The following FRZB variants were observed in gnomAD, a reference collection of about 807,000 sequenced individuals.
The protein encoded by FRZB is frizzled related protein, also known as secreted frizzled-related protein 3.
Under a neutral mutation model 32.5 loss-of-function variants are expected in FRZB, and 34 were observed. That is an observed-to-expected ratio of 1.05 (90% CI 0.80 to 1.39). The LOEUF is 1.39. FRZB is among the 40% of genes most tolerant of loss of function. The probability of loss-of-function intolerance (pLI) is 0.00; values close to 1 mark genes in which losing one functional copy is unlikely to be tolerated. For synonymous variants in FRZB, 170 were observed against 159.2 expected, an observed-to-expected ratio of 1.07 and a Z score of -0.51; for missense variants, 423 against 424.8, an observed-to-expected ratio of 1.00 and a Z score of 0.04.
At position 182,866,329 on chromosome 2, in the gene FRZB, A is replaced by C. The variant is rs753500741; in HGVS notation, c.224T>G (p.Leu75Arg). Reference sequence around the variant, plus strand: ...ATCGGGGCTGCAGTGGGTGCCCAGCAGACCTTCGAACTGCTCGATGGCCAG... The same window carrying C: ...ATCGGGGCTGCAGTGGGTGCCCAGCCGACCTTCGAACTGCTCGATGGCCAG... ...AILAIEQFEGLLGTHCSPDLL... is the reference protein window; with the variant it reads ...AILAIEQFEGRLGTHCSPDLL... The change falls in exon 1 of 6, where the codon CTG becomes CGG. Residue 75 changes from leucine (L) to arginine (R), a missense_variant. Physicochemically the swap from Leu to Arg is moderately radical, Grantham distance 102. Coordinates refer to ENST00000295113, the MANE Select transcript of FRZB (RefSeq NM_001463.4). The surrounding 1 kb of genome is among the most constrained non-coding windows in gnomAD (Gnocchi z 4.5). 1 of 1,614,232 alleles carries C rather than the reference A, an allele frequency of 6.2e-7. No individual in the cohort carries two copies. The highest frequency in any genetic ancestry group is 1.1e-5 in the South Asian group (1 of 91,088).
At chr2:182,852,070 TC>T (rs1195570844) in intron 2 of FRZB, among the ~76,000 whole-genome samples, 1 of 152,218 alleles carries the variant, frequency 6.6e-6, no homozygotes, top group Non-Finnish European at 1.5e-5. Flanking sequence ...TATTTGTCTA[TC>T]CTTTTTTTTC....
chr2:182,861,009 G>A (rs1049128092), intron 1 of FRZB, among the ~76,000 whole-genome samples: 6 of 152,106 alleles, frequency 3.9e-5, no homozygotes, highest in African/African-American at 1.2e-4. Flanking sequence ...TGCTGAGACC[G>A]AGAGACTAGG....
chr2:182,862,808 G>C (rs544173484), intron 1 of FRZB, among the ~76,000 whole-genome samples: 1 of 150,050 alleles, frequency 6.7e-6, no homozygotes, highest in African/African-American at 2.5e-5. Flanking sequence ...TGGCTCTGTC[G>C]CTCAGTCTGG....
chr2:182,860,060 T>C (rs989426193), intron 1 of FRZB, among the ~76,000 whole-genome samples: 8 of 152,224 alleles, frequency 5.3e-5, no homozygotes, highest in African/African-American at 1.9e-4. Flanking sequence ...TTGAAATGTT[T>C]ATTGTTCAAA....
intron 1 of FRZB, among the ~76,000 whole-genome samples, chr2:182,862,587 T>C (rs1395027153): frequency 6.6e-6 from 1 of 152,228 alleles, no homozygotes. Flanking sequence ...TCCCCAGAGA[T>C]GAACTAATAA....
intron 5 of FRZB, among the ~76,000 whole-genome samples, chr2:182,837,745 A>G (rs1383762886): frequency 3.9e-5 from 6 of 152,052 alleles, no homozygotes; most frequent in African/African-American, 1.4e-4. Context: ...TAGATCTTTG[A>G]TACACATACA....
intron 2 of FRZB, among the ~76,000 whole-genome samples, chr2:182,854,185 G>A (rs1177600494): frequency 1.3e-5 from 2 of 152,176 alleles, no homozygotes; most frequent in African/African-American, 4.8e-5. Context: ...TGCTGGTAAT[G>A]TTACATATCT....
intron 3 of FRZB, among the ~76,000 whole-genome samples, chr2:182,840,166 C>T (rs1377325330): frequency 2.6e-5 from 4 of 152,034 alleles, no homozygotes; most frequent in Non-Finnish European, 4.4e-5. Context: ...GCAAGTGGAG[C>T]CTCTTTCTAT....
At chr2:182,863,348 C>T (rs1695855613) in intron 1 of FRZB, among the ~76,000 whole-genome samples, 1 of 152,154 alleles carries the variant, frequency 6.6e-6, no homozygotes, top group Non-Finnish European at 1.5e-5. Flanking sequence ...CAAAGTTATG[C>T]AAATATAAAA....
At chr2:182,857,579 G>C (rs566751746) in intron 2 of FRZB, among the ~76,000 whole-genome samples, 1 of 149,950 alleles carries the variant, frequency 6.7e-6, no homozygotes, top group East Asian at 2.0e-4. Context: ...ATTGCATCAC[G>C]GCACTCCAGC....
At chr2:182,856,782 A>G (rs1271112870) in intron 2 of FRZB, among the ~76,000 whole-genome samples, 1 of 152,120 alleles carries the variant, frequency 6.6e-6, no homozygotes, top group Non-Finnish European at 1.5e-5. Context: ...AATATTAAAC[A>G]AGTATGTACC....
At chr2:182,847,858 G>A (rs1303615003) in intron 2 of FRZB, among the ~76,000 whole-genome samples, 2 of 152,180 alleles carry the variant, frequency 1.3e-5, no homozygotes, top group Non-Finnish European at 2.9e-5. Context: ...TGAATTTAAA[G>A]TGAAACCAGT....
At chr2:182,862,101 T>C (rs1695839729) in intron 1 of FRZB, among the ~76,000 whole-genome samples, 2 of 152,336 alleles carry the variant, frequency 1.3e-5, no homozygotes, top group South Asian at 4.1e-4. Context: ...CCTCAAATAT[T>C]TGTAGAACAG....
At chr2:182,859,566 T>C (rs1273965441) in intron 1 of FRZB, among the ~76,000 whole-genome samples, 1 of 152,190 alleles carries the variant, frequency 6.6e-6, no homozygotes, top group African/African-American at 2.4e-5. Flanking sequence ...AATTTAGTAC[T>C]TTATATAAGA....
intron 2 of FRZB, among the ~76,000 whole-genome samples, chr2:182,855,318 C>T (rs1695756261): frequency 6.6e-6 from 1 of 152,140 alleles, no homozygotes; most frequent in African/African-American, 2.4e-5. Context: ...AAAATGTTGA[C>T]TTGAGTGGGA....
chr2:182,864,036 T>G (rs1431099742), intron 1 of FRZB, among the ~76,000 whole-genome samples: 5 of 152,200 alleles, frequency 3.3e-5, no homozygotes, highest in Non-Finnish European at 5.9e-5. Flanking sequence ...ATGCTGCCAG[T>G]AAAGCAAATA....
chr2:182,853,684 A>C (rs1695734413), intron 2 of FRZB, among the ~76,000 whole-genome samples: 1 of 152,236 alleles, frequency 6.6e-6, no homozygotes, highest in Non-Finnish European at 1.5e-5. Context: ...AAGTCAACAG[A>C]GAAAACTGTC....
intron 2 of FRZB, 52 bp from the exon 3 acceptor site, chr2:182,842,595 GT>G: frequency 6.9e-7 from 1 of 1,447,886 alleles, no homozygotes; most frequent in Non-Finnish European, 9.7e-7. Flanking sequence ...GCTTTCTTTT[GT>G]TTTGCTCAGA....
rs1237451856 is a variant in FRZB, at chr2:182,866,275, G to A, written c.278C>T (p.Ala93Val). ...CTGGAAGTCAATGGTGCAGATGGGC[G>A]CGTACATGGCACAGAGGAAGAAGAG... Reference protein sequence around the residue: ...DLLFFLCAMYAPICTIDFQHE... With the variant: ...DLLFFLCAMYVPICTIDFQHE... Residue 93 changes from alanine (A) to valine (V), a missense_variant, in exon 1 of 6, where the codon GCG (alanine) becomes GTG (valine). Transcript: ENST00000295113. The surrounding 1 kb of genome is among the most constrained non-coding windows in gnomAD (Gnocchi z 4.5). 6.2e-7 allele frequency: 1 copy of A among 1,614,094 alleles called. No individual in the cohort carries two copies. Among genetic ancestry groups the A allele is most frequent in the Non-Finnish European group, 8.5e-7 (1 of 1,180,052 alleles).
Sources: allele counts gnomAD v4.1 joint callset (sites outside exome capture counted in the v4.1 genomes callset), GRCh38; gene constraint gnomAD v4.1.1; non-coding constraint Gnocchi (gnomAD v3.1); transcripts MANE v1.5; gene names NCBI Gene and HGNC (gene_info 2026-07-23, HGNC 2026-07-21).